The following DPP6 variants were observed in gnomAD, a reference collection of about 807,000 sequenced individuals.
DPP6 encodes the protein A-type potassium channel modulatory protein DPP6.
In DPP6, 69 loss-of-function variants were observed where a neutral mutation model predicts 122.6. The observed-to-expected ratio is 0.56, with a 90% CI of 0.46 to 0.69. DPP6 has a LOEUF of 0.69. Among genes scored for constraint, DPP6 ranks in the 30% least tolerant of loss-of-function variants. The pLI, the probability that DPP6 is intolerant of heterozygous loss-of-function variation, is 0.00. For synonymous variants in DPP6, 418 were observed against 433.1 expected (o/e 0.97, Z 0.43); for missense variants, 928 against 1,116.9 (o/e 0.83, Z 2.41).
intron 1 of DPP6, among the ~76,000 whole-genome samples, chr7:154,277,715 G>T (rs1804231303): frequency 6.6e-6 from 1 of 152,166 alleles, no homozygotes; most frequent in African/African-American, 2.4e-5. Context: ...CAGTGAGCCA[G>T]GATCACAGCA....
intron 16 of DPP6, among the ~76,000 whole-genome samples, chr7:154,818,933 C>G (rs541691080): frequency 1.3e-5 from 2 of 152,182 alleles, no homozygotes; most frequent in Non-Finnish European, 2.9e-5. Context: ...CCAGACACCA[C>G]GCAAACCACT....
intron 1 of DPP6, among the ~76,000 whole-genome samples, chr7:154,341,987 C>T (rs925924174): frequency 6.6e-6 from 1 of 152,154 alleles, no homozygotes; most frequent in Non-Finnish European, 1.5e-5. Flanking sequence ...CTTGTGTCAA[C>T]GATGGGTCCT....
intron 16 of DPP6, among the ~76,000 whole-genome samples, chr7:154,852,549 C>T (rs1328587851): frequency 6.8e-6 from 1 of 146,958 alleles, no homozygotes; most frequent in Non-Finnish European, 1.5e-5. Flanking sequence ...TTTCCTGCCT[C>T]TCCTGCATGC....
chr7:154,137,418 A>T (rs1325344856), intron 1 of DPP6, among the ~76,000 whole-genome samples: 1 of 151,876 alleles, frequency 6.6e-6, no homozygotes, highest in Non-Finnish European at 1.5e-5. Context: ...AGAATCACAG[A>T]CATGTGCAAT....
chr7:154,469,165 A>G (rs1001109098), intron 2 of DPP6, among the ~76,000 whole-genome samples: 1 of 152,000 alleles, frequency 6.6e-6, no homozygotes, highest in African/African-American at 2.4e-5. Flanking sequence ...AGCTCCTGGT[A>G]GCAGAAAAGA....
At chr7:154,887,170 AG>A (rs563790055) in intron 22 of DPP6, among the ~76,000 whole-genome samples, 93 of 152,326 alleles carry the variant, frequency 6.1e-4, no homozygotes, top group African/African-American at 2.1e-3. Context: ...CCTGCAGGCC[AG>A]GGGCACTGTG....
chr7:154,540,627 G>GTT lies in DPP6; in HGVS notation c.552+2_552+3insTT, dbSNP rs1828648884. 6.5e-7 allele frequency: 1 copy of GTT among 1,527,746 alleles called. No homozygotes were observed. The highest frequency in any genetic ancestry group is 1.4e-5 in the African/African-American group (1 of 71,508). The allele number at this position is 1,527,746 out of a possible 1,614,324, so 94.6% of individuals were successfully genotyped here. A position where few individuals can be genotyped will look rare whatever the true frequency, so the allele number is the denominator to read the frequency against. ...TGTCTTAATAGAAGGCAAAAAAATTGTAAGTACTCTCTTTAATGACCGGGA... is the reference window on the plus strand; with the variant it reads ...TGTCTTAATAGAAGGCAAAAAAATTGTTTAAGTACTCTCTTTAATGACCGGGA... On this transcript the variant is annotated splice_donor_variant, in intron 4 of 25. Transcript: ENST00000377770. LOFTEE classifies it high-confidence loss of function.
intron 1 of DPP6, among the ~76,000 whole-genome samples, chr7:153,904,260 C>T (rs1319007319): frequency 6.6e-6 from 1 of 152,140 alleles, no homozygotes; most frequent in Admixed American, 6.5e-5. Flanking sequence ...CTGTGTTGGC[C>T]AGGCTGGTCT....
rs562279255 is a variant in DPP6 at position 154,341,212 on chromosome 7, G to A, written c.244-105002G>A. On this transcript the variant is annotated intron_variant, in intron 1 of 25. Coordinates refer to ENST00000377770, the MANE Select transcript of DPP6 (RefSeq NM_130797.4). ...CAAATAGGGTTTTTAAGAATGGGGCGAAAGGTGAAGGTGTCAAGTGCAGCG... is the reference window on the plus strand; with the variant it reads ...CAAATAGGGTTTTTAAGAATGGGGCAAAAGGTGAAGGTGTCAAGTGCAGCG... 1.1e-4 allele frequency among the ~76,000 whole-genome samples: 17 copies of A among 152,240 alleles called. 1 individual carries two copies. The South Asian group carries it at 2.7e-3, about 24-fold the overall frequency.
At chr7:153,798,585 T>G in the DPP6 span, among the ~76,000 whole-genome samples, 1 of 152,270 alleles carries the variant, frequency 6.6e-6, no homozygotes, top group East Asian at 1.9e-4. Flanking sequence ...CCCAACATTT[T>G]TGGCACCAGG....
At chr7:153,932,650 G>A (rs928821258) in intron 1 of DPP6, among the ~76,000 whole-genome samples, 2 of 152,132 alleles carry the variant, frequency 1.3e-5, no homozygotes, top group African/African-American at 4.8e-5. Flanking sequence ...ACCTGGGGAA[G>A]AGGATAAACT....
chr7:154,164,043 G>A (rs1797111244), intron 1 of DPP6, among the ~76,000 whole-genome samples: 1 of 152,128 alleles, frequency 6.6e-6, no homozygotes, highest in Non-Finnish European at 1.5e-5. Context: ...CCATAAGTGT[G>A]GTGTTCTGCC....
At position 154,893,274 on chromosome 7, in the gene DPP6, C is replaced by T. The variant is rs1031127632; in HGVS notation, c.*794C>T. 7 of 251,680 alleles carry T rather than the reference C, an allele frequency of 2.8e-5. No individual in the cohort carries two copies. Among genetic ancestry groups the T allele is most frequent in the African/African-American group, 1.6e-4 (7 of 43,850 alleles). 15.6% of individuals were successfully genotyped at this position (251,680 alleles called of 1,614,324 possible). A position where few individuals can be genotyped will look rare whatever the true frequency, so the allele number is the denominator to read the frequency against. On this transcript the variant is annotated 3_prime_UTR_variant, in exon 26 of 26. Transcript: ENST00000377770. ...CAGACGTCTTGGGGACGTTCCTAAA[C>T]ACTGAGGGGGAAGACAGCCAATAGC...
At chr7:154,795,736 G>T (rs1798004239) in intron 11 of DPP6, 109 bp from the exon 12 acceptor site, 1 of 1,490,464 alleles carries the variant, frequency 6.7e-7, no homozygotes, top group Admixed American at 2.2e-5. Flanking sequence ...GGCCATGTAG[G>T]TGAAGCCAAA....
chr7:153,964,999 T>TTCCTTCCTTCCTTCCTTCCTTCCTTC (rs1563055951), intron 1 of DPP6, among the ~76,000 whole-genome samples: 6 of 62,432 alleles, frequency 9.6e-5, no homozygotes, highest in African/African-American at 2.3e-4. Flanking sequence ...TTCCTTCCTT[T>TTCCTTCCTTCCTTCCTTCCTTCCTTC]CTTCCTTCCT....
chr7:154,854,623 G>A (rs143620390), intron 17 of DPP6, among the ~76,000 whole-genome samples: 2 of 152,316 alleles, frequency 1.3e-5, no homozygotes, highest in Admixed American at 1.3e-4. Context: ...CAAGGTTGAA[G>A]CCTGGTCAAG....
chr7:153,854,377 C>A, the DPP6 span, among the ~76,000 whole-genome samples: 22 of 151,372 alleles, frequency 1.5e-4, no homozygotes, highest in East Asian at 7.8e-4. Flanking sequence ...CAATGAACTC[C>A]AACAAATTTA....
At chr7:154,558,139 CTCCCTGTGTCCATGTG>C (rs1266419670) in intron 4 of DPP6, among the ~76,000 whole-genome samples, 1 of 151,970 alleles carries the variant, frequency 6.6e-6, no homozygotes, top group African/African-American at 2.4e-5. Context: ...TGATGTTCCC[CTCCCTGTGTCCATGTG>C]TTCTCAATGT....
the DPP6 span, among the ~76,000 whole-genome samples, chr7:153,803,358 G>T: frequency 6.6e-6 from 1 of 151,200 alleles, no homozygotes; most frequent in Non-Finnish European, 1.5e-5. Flanking sequence ...ACTCAGTAAA[G>T]CAGAGAGCCT....
Sources: gnomAD v4.1 joint callset for allele counts (sites outside exome capture counted in the v4.1 genomes callset) on GRCh38, gnomAD v4.1.1 for gene constraint, MANE v1.5 for transcripts, NCBI Gene and HGNC (gene_info 2026-07-23, HGNC 2026-07-21) for gene names.